The following PRKAR1A variants were observed in gnomAD, a reference collection of about 807,000 sequenced individuals.
The protein encoded by PRKAR1A is cAMP-dependent protein kinase type I-alpha regulatory subunit.
A neutral mutation model predicts 52.0 loss-of-function variants in PRKAR1A; 3 were observed. The observed-to-expected ratio is 0.06, with a 90% confidence interval of 0.03 to 0.15. The LOEUF (loss-of-function observed/expected upper bound fraction) is 0.15, where lower values mean the gene tolerates loss of function less well. PRKAR1A is among the 10% of genes least tolerant of loss of function. The pLI is 1.00. For synonymous variants in PRKAR1A, 188 were observed against 168.4 expected, an observed-to-expected ratio of 1.12 and a Z score of -0.90; for missense variants, 240 against 477.4, an observed-to-expected ratio of 0.50 and a Z score of 4.63.
intron 11 of PRKAR1A, among the ~76,000 whole-genome samples, chr17:68,547,335 ATATG>A (rs751096501): frequency 3.3e-5 from 5 of 152,328 alleles, no homozygotes; most frequent in Non-Finnish European, 5.9e-5. Context: ...GGTTTGTTAC[ATATG>A]TATACATGTG....
intron 1 of PRKAR1A, chr17:68,513,392 C>T (rs1162785936): frequency 6.6e-6 from 1 of 152,204 alleles, no homozygotes; most frequent in Non-Finnish European, 1.5e-5. Flanking sequence ...CAAGATGACC[C>T]TAGGGGAGCC....
Position 68,533,045 on chromosome 17 carries a change from C to T in PRKAR1A, c.*2596C>T. 2.8e-6 allele frequency: 3 copies of T among 1,065,698 alleles called. No individual in the cohort carries two copies. Among genetic ancestry groups the T allele is most frequent in the South Asian group, 4.6e-5 (1 of 21,978 alleles). The allele number at this position is 1,065,698 out of a possible 1,614,324, so 66.0% of individuals were successfully genotyped here. A position where few individuals can be genotyped will look rare whatever the true frequency, so the allele number is the denominator to read the frequency against. ...CTAAAGATTTCCTTTTGATTGAAGACAGATTGGTTCTGTGGCCTTGGAACT... is the reference window on the plus strand; with the variant it reads ...CTAAAGATTTCCTTTTGATTGAAGATAGATTGGTTCTGTGGCCTTGGAACT... On this transcript the variant is annotated 3_prime_UTR_variant, in exon 11 of 11. Transcript: ENST00000589228.
the PRKAR1A span, among the ~76,000 whole-genome samples, chr17:68,484,536 G>C: frequency 1.4e-5 from 2 of 140,944 alleles, no homozygotes; most frequent in African/African-American, 5.3e-5. Flanking sequence ...TTTATTTCTT[G>C]CTTTTGCCTT....
At chr17:68,496,282 T>A in the PRKAR1A span, among the ~76,000 whole-genome samples, 1 of 151,468 alleles carries the variant, frequency 6.6e-6, no homozygotes, top group African/African-American at 2.4e-5. Context: ...CCTCAAATGA[T>A]CCACCTCCCT....
the PRKAR1A span, among the ~76,000 whole-genome samples, chr17:68,467,243 T>C: frequency 6.6e-6 from 1 of 152,344 alleles, no homozygotes; most frequent in East Asian, 1.9e-4. Context: ...ATTTGGTACG[T>C]GTTTTCAATT....
the PRKAR1A span, among the ~76,000 whole-genome samples, chr17:68,459,172 A>C: frequency 6.6e-6 from 1 of 152,206 alleles, no homozygotes; most frequent in South Asian, 2.1e-4. Context: ...ATAAACTATC[A>C]GAAGTGAATG....
chr17:68,418,656 T>C, the PRKAR1A span, among the ~76,000 whole-genome samples: 1 of 152,208 alleles, frequency 6.6e-6, no homozygotes, highest in Admixed American at 6.5e-5. Context: ...CATGTTGGCA[T>C]CTGCCCTCAT....
exon 12 of PRKAR1A, chr17:68,551,153 T>C: frequency 8.1e-7 from 1 of 1,231,036 alleles, no homozygotes; most frequent in Non-Finnish European, 1.0e-6. Context: ...TAGGAGACCC[T>C]AACCTGTGGG....
chr17:68,502,115 A>G, the PRKAR1A span, among the ~76,000 whole-genome samples: 404 of 152,332 alleles, frequency 2.7e-3, 1 homozygote, highest in African/African-American at 9.2e-3. Context: ...TTCAGGCTCC[A>G]GACTCCAGAG....
chr17:68,524,652 TAG>T (rs1171623204), intron 5 of PRKAR1A, among the ~76,000 whole-genome samples: 6 of 148,332 alleles, frequency 4.0e-5, no homozygotes, highest in Non-Finnish European at 6.0e-5. Flanking sequence ...ATAAATGCCA[TAG>T]CAGTTAATAA....
chr17:68,463,270 A>G, the PRKAR1A span, among the ~76,000 whole-genome samples: 1 of 152,192 alleles, frequency 6.6e-6, no homozygotes, highest in Non-Finnish European at 1.5e-5. Context: ...GCCCCAAAAG[A>G]AAGTCTCTGA....
chr17:68,534,560 C>CTTTTTTTTTTTTTTTTTT (rs34994040), downstream of PRKAR1A, among the ~76,000 whole-genome samples: 1 of 111,052 alleles, frequency 9.0e-6, no homozygotes, highest in Non-Finnish European at 1.8e-5. Context: ...TTTTTAGTGC[C>CTTTTTTTTTTTTTTTTTT]TTTTTTTTTT....
At chr17:68,516,502 G>T (rs949110834) in intron 2 of PRKAR1A, among the ~76,000 whole-genome samples, 32 of 152,052 alleles carry the variant, frequency 2.1e-4, no homozygotes, top group African/African-American at 7.0e-4. Flanking sequence ...TATACCAAAA[G>T]AAATGAATCA....
At chr17:68,451,385 G>A in the PRKAR1A span, among the ~76,000 whole-genome samples, 3 of 152,188 alleles carry the variant, frequency 2.0e-5, no homozygotes, top group African/African-American at 7.2e-5. Context: ...AGTGAGCCGA[G>A]ATCACAACAC....
the PRKAR1A span, among the ~76,000 whole-genome samples, chr17:68,465,056 G>C: frequency 6.6e-6 from 1 of 150,452 alleles, no homozygotes; most frequent in African/African-American, 2.4e-5. Flanking sequence ...TTCCTGAGTA[G>C]CTGGGACTAC....
chr17:68,542,547 T>C, intron 11 of PRKAR1A: 1 of 718,806 alleles, frequency 1.4e-6, no homozygotes, highest in South Asian at 1.5e-5. Context: ...AGGCAGACCA[T>C]GGTGGGAGTG....
chr17:68,469,993 A>G, the PRKAR1A span, among the ~76,000 whole-genome samples: 5 of 152,306 alleles, frequency 3.3e-5, no homozygotes, highest in South Asian at 2.1e-4. Context: ...TCTGTATTCA[A>G]CGTATCATAT....
rs587778626 is a variant in PRKAR1A, at chr17:68,524,939, T to C, written c.530T>C (p.Ile177Thr). Residue 177 changes from isoleucine (I) to threonine (T), a missense_variant, in exon 6 of 11, where the codon ATT (isoleucine) becomes ACT (threonine). By Grantham distance (89) the Ile-to-Thr change is moderately conservative. Coordinates refer to ENST00000589228, the MANE Select transcript of PRKAR1A (RefSeq NM_002734.5). ...GATGAAGGGGATAACTTCTATGTGA[T>C]TGATCAAGGAGAGACGGATGTAAGA... ...QGDEGDNFYV[I>T]DQGETDVYVN... is the part of the protein sequence containing the mutation. The C allele has an allele frequency of 5.6e-6, 9 of 1,610,438 alleles. No homozygotes were observed. The highest frequency in any genetic ancestry group is 6.8e-6 in the Non-Finnish European group (8 of 1,176,772).
At chr17:68,420,285 C>T in the PRKAR1A span, 1 of 1,614,020 alleles carries the variant, frequency 6.2e-7, no homozygotes, top group African/African-American at 1.3e-5. Flanking sequence ...GAAGCTGTGC[C>T]CCTAGAAAGA....
Sources: gnomAD v4.1 joint callset for allele counts (sites outside exome capture counted in the v4.1 genomes callset) on GRCh38, gnomAD v4.1.1 for gene constraint, MANE v1.5 for transcripts, NCBI Gene and HGNC (gene_info 2026-07-23, HGNC 2026-07-21) for gene names.